Variants in PCDHGA3 observed in about 807,000 individuals in gnomAD.
The protein encoded by PCDHGA3 is protocadherin gamma-A3.
In PCDHGA3, 40 loss-of-function variants were observed where a neutral mutation model predicts 58.5. The ratio of observed to expected loss-of-function variants is 0.68; its 90% CI spans 0.53 to 0.89. The LOEUF is 0.89. PCDHGA3 is among the 40% of genes least tolerant of loss of function. The pLI, the probability that PCDHGA3 is intolerant of heterozygous loss-of-function variation, is 0.00. For synonymous variants in PCDHGA3, 530 were observed against 525.7 expected (o/e 1.01, Z -0.11); for missense variants, 1,223 against 1,195.9 (o/e 1.02, Z -0.33).
Position 141,389,558 on chromosome 5 carries a change from A to G in PCDHGA3, c.2424+43101A>G, listed in dbSNP as rs778077135. 14 of 1,613,148 alleles carry G rather than the reference A, an allele frequency of 8.7e-6. No individual in the cohort carries two copies. The East Asian group carries it at 8.9e-5, about 10-fold the overall frequency. ...TGGACGACCGCAACGACAATGCGCC[A>G]CGGGTGCTGTACCCCGCGCTGGGTC... On this transcript the variant is annotated intron_variant, in intron 1 of 3. Transcript: ENST00000253812.
Position 141,403,170 on chromosome 5 carries a change from A to C in PCDHGA3, c.2424+56713A>C. On this transcript the variant is annotated intron_variant, in intron 1 of 3. Transcript: ENST00000253812. ...CGCATCGTCTCTAGAGGTAGGACGC[A>C]GCTTTTCTCTCTGAACCCGCGCAGC... is the stretch of plus-strand genomic sequence containing the variant. 1 of 1,614,048 alleles carries C rather than the reference A, an allele frequency of 6.2e-7. No homozygotes were observed. Among genetic ancestry groups the C allele is most frequent in the East Asian group, 2.2e-5 (1 of 44,886 alleles).
intron 1 of PCDHGA3, chr5:141,355,965 T>C: frequency 6.2e-7 from 1 of 1,613,884 alleles, no homozygotes; most frequent in South Asian, 1.1e-5. Context: ...GTGAGAACGT[T>C]CCTGTAGGCA....
intron 1 of PCDHGA3, chr5:141,403,227 G>C (rs2094378929): frequency 1.2e-6 from 2 of 1,608,848 alleles, no homozygotes; most frequent in African/African-American, 1.3e-5. Context: ...AGGATAGACC[G>C]GGAGGAGCTC....
chr5:141,417,805 G>T, intron 1 of PCDHGA3: 1 of 1,499,292 alleles, frequency 6.7e-7, no homozygotes. Flanking sequence ...TAGCGCGGTA[G>T]AGTGCACTTT....
At chr5:141,482,675 A>G (rs1258898440) in intron 1 of PCDHGA3, among the ~76,000 whole-genome samples, 1 of 149,114 alleles carries the variant, frequency 6.7e-6, no homozygotes, top group African/African-American at 2.5e-5. Context: ...AAGGTTGAGT[A>G]GTAGCTTGTC....
chr5:141,366,145 CT>C, intron 1 of PCDHGA3: 1 of 1,614,192 alleles, frequency 6.2e-7, no homozygotes, highest in East Asian at 2.2e-5. Flanking sequence ...CCTGGCTGTC[CT>C]ACCGCCTGCT....
At chr5:141,423,328 G>C (rs1308803675) in intron 1 of PCDHGA3, 1 of 1,614,194 alleles carries the variant, frequency 6.2e-7, no homozygotes, top group African/African-American at 1.3e-5. Flanking sequence ...GGTGGCCGCA[G>C]TCTCCTGCAT....
chr5:141,355,063 C>G (rs902736924), intron 1 of PCDHGA3: 8 of 1,314,420 alleles, frequency 6.1e-6, no homozygotes, highest in Non-Finnish European at 7.2e-6. Flanking sequence ...GGCTCTGGAG[C>G]TTTATGAAAG....
At position 141,490,558 on chromosome 5, in the gene PCDHGA3, A is replaced by G. The variant is rs765890709; in HGVS notation, c.2425-4249A>G. 3.1e-5 allele frequency: 50 copies of G among 1,614,042 alleles called. No individual in the cohort carries two copies. The East Asian group carries it at 1.0e-3, about 34-fold the overall frequency. ...ACCTTCCCTACACAAACATCTCACC[A>G]TCAGGCTCAACATTTCAGATGTCAA... On this transcript the variant is annotated intron_variant, in intron 1 of 3. Transcript: ENST00000253812. This position sits in a 1 kb window ranked among gnomAD's most constrained non-coding sequence, Gnocchi z 5.4.
At position 141,491,960 on chromosome 5, in the gene PCDHGA3, A is replaced by T. The variant is rs1380758016; in HGVS notation, c.2425-2847A>T. The T allele has an allele frequency of 1.0e-6, 1 of 984,842 alleles. No individual in the cohort carries two copies. The highest frequency in any genetic ancestry group is 3.0e-5 in the East Asian group (1 of 33,312). 61.0% of individuals were successfully genotyped at this position (984,842 alleles called of 1,614,324 possible). A position where few individuals can be genotyped will look rare whatever the true frequency, so the allele number is the denominator to read the frequency against. On this transcript the variant is annotated intron_variant, in intron 1 of 3. Coordinates refer to ENST00000253812, the MANE Select transcript of PCDHGA3 (RefSeq NM_018916.4). The surrounding 1 kb of genome is among the most constrained non-coding windows in gnomAD (Gnocchi z 6.9). ...CGACCCCCACCCCTACACTCAAAAA[A>T]GGCCGGGGCCTCCTTCGAGCTTCCG...
At chr5:141,385,033 C>A in intron 1 of PCDHGA3, 1 of 1,614,182 alleles carries the variant, frequency 6.2e-7, no homozygotes, top group South Asian at 1.1e-5. Flanking sequence ...CCTCGTACTG[C>A]TGGCGCTCAG....
At chr5:141,405,470 A>G in intron 1 of PCDHGA3, 1 of 1,108,980 alleles carries the variant, frequency 9.0e-7, no homozygotes, top group Non-Finnish European at 1.3e-6. Flanking sequence ...CCCAGGCTGG[A>G]ATGCAGTGGT....
At chr5:141,375,047 C>T (rs201669950) in intron 1 of PCDHGA3, 1 of 1,613,958 alleles carries the variant, frequency 6.2e-7, no homozygotes, top group Non-Finnish European at 8.5e-7. Context: ...TGTTGAAGCC[C>T]GGGATGGGCC....
At position 141,394,369 on chromosome 5, in the gene PCDHGA3, C is replaced by T. The variant is rs183754735; in HGVS notation, c.2424+47912C>T. On this transcript the variant is annotated intron_variant, in intron 1 of 3. Transcript: ENST00000253812. Reference sequence around the variant, plus strand: ...ACCGGTGTCCTGTATGCGCTGCAATCTTTCGACTATGAGCAGATCCGAGAC... The same window carrying T: ...ACCGGTGTCCTGTATGCGCTGCAATTTTTCGACTATGAGCAGATCCGAGAC... 3.7e-5 allele frequency: 59 copies of T among 1,614,206 alleles called. No homozygotes were observed. Among genetic ancestry groups the T allele is most frequent in the Middle Eastern group, 1.6e-4 (1 of 6,062 alleles).
intron 1 of PCDHGA3, chr5:141,420,114 A>G: frequency 6.2e-7 from 1 of 1,614,032 alleles, no homozygotes; most frequent in Non-Finnish European, 8.5e-7. Context: ...CCCTATGCCT[A>G]TAATTTTTGT....
chr5:141,374,428 T>C, intron 1 of PCDHGA3: 1 of 1,613,952 alleles, frequency 6.2e-7, no homozygotes, highest in Admixed American at 1.7e-5. Flanking sequence ...ATAAACTGAA[T>C]CTTTATCCCG....
intron 1 of PCDHGA3, chr5:141,433,325 C>CA: frequency 2.8e-6 from 2 of 726,266 alleles, no homozygotes; most frequent in Non-Finnish European, 4.5e-6. Context: ...TCCGGTGTAA[C>CA]AGGGACTACA....
intron 1 of PCDHGA3, chr5:141,389,725 TC>T (rs756659208): frequency 1.2e-6 from 2 of 1,612,726 alleles, no homozygotes; most frequent in East Asian, 4.5e-5. Flanking sequence ...GAGCCCGGGC[TC>T]TTCAGCCTGG....
At chr5:141,361,662 G>A (rs377204571) in intron 1 of PCDHGA3, 3 of 1,613,714 alleles carry the variant, frequency 1.9e-6, no homozygotes, top group Non-Finnish European at 2.5e-6. Context: ...CCGTGAGCGC[G>A]CAGAGCGGGG....
Sources: allele counts gnomAD v4.1 joint callset (sites outside exome capture counted in the v4.1 genomes callset), GRCh38; gene constraint gnomAD v4.1.1; non-coding constraint Gnocchi (gnomAD v3.1); transcripts MANE v1.5; gene names NCBI Gene and HGNC (gene_info 2026-07-23, HGNC 2026-07-21).